The following UGGT2 variants were observed in gnomAD, a reference collection of about 807,000 sequenced individuals.
UGGT2 encodes UDP-glucose:glycoprotein glucosyltransferase 2.
In UGGT2, 180 loss-of-function variants were observed where a neutral mutation model predicts 192.1. That is an observed-to-expected ratio of 0.94 (90% CI 0.83 to 1.06). UGGT2 has a LOEUF of 1.06. Among genes scored for constraint, UGGT2 ranks in the 50% least tolerant of loss-of-function variants. The pLI is 0.00. For synonymous variants in UGGT2, 580 were observed against 591.0 expected (o/e 0.98, Z 0.27); for missense variants, 1,849 against 1,795.7 (o/e 1.03, Z -0.54).
chr13:95,876,364 C>A (rs1891678990), intron 29 of UGGT2, among the ~76,000 whole-genome samples: 1 of 152,174 alleles, frequency 6.6e-6, no homozygotes, highest in Non-Finnish European at 1.5e-5. Context: ...GGCATTGAGG[C>A]TGGGCAATAG....
rs2047691860 is a variant in UGGT2, at chr13:95,887,961, T to G, written c.2969A>C (p.Lys990Thr). ...KMAQLLVVLG[K>T]IINMKIKLFM... ...CAACTTTATCTTCATGTTGATAATC[T>G]TGCCAAGTACCTATTGGAAAGAAAT... is the stretch of plus-strand genomic sequence containing the variant. The change falls in exon 26 of 39, where the codon AAG (lysine) becomes ACG (threonine). Residue 990 changes from lysine (K) to threonine (T), a missense_variant. Transcript: ENST00000376747. The G allele has an allele frequency of 1.9e-6, 3 of 1,601,132 alleles. No individual in the cohort carries two copies. Among genetic ancestry groups the G allele is most frequent in the Non-Finnish European group, 2.6e-6 (3 of 1,173,008 alleles).
At chr13:95,985,534 A>C (rs373237246) in intron 9 of UGGT2, among the ~76,000 whole-genome samples, 16 of 152,270 alleles carry the variant, frequency 1.1e-4, no homozygotes, top group East Asian at 9.6e-4. Context: ...TTCTATGCTT[A>C]GGAAGGTATG....
chr13:96,014,787 TATTAAA>T (rs1392610067), intron 4 of UGGT2, among the ~76,000 whole-genome samples: 1 of 152,196 alleles, frequency 6.6e-6, no homozygotes, highest in Non-Finnish European at 1.5e-5. Flanking sequence ...TGCATGAAAC[TATTAAA>T]ATTATTCTCA....
chr13:95,934,978 GTCT>G (rs1403163085), intron 17 of UGGT2, among the ~76,000 whole-genome samples: 2 of 152,298 alleles, frequency 1.3e-5, no homozygotes, highest in East Asian at 3.9e-4. Flanking sequence ...GGACACTTAA[GTCT>G]TCTTGTTGAA....
rs140859099 is a variant in UGGT2 at position 95,970,215 on chromosome 13, C to T, written c.1232G>A (p.Arg411His). Residue 411 changes from arginine to histidine, a missense_variant, in exon 12 of 39, where the codon CGC (arginine) becomes CAC (histidine). Physicochemically the swap from Arg to His is conservative, Grantham distance 29. Transcript: ENST00000376747. ...ATCTTCCCCATTGATCCCAAGATTG[C>T]GAAGGCCATTCATCATTTTTCCTTC... ...KLEGKMMNGL[R>H]NLGINGEDMS... 30 of 1,612,852 alleles carry T rather than the reference C, an allele frequency of 1.9e-5. No individual in the cohort carries two copies. The highest frequency in any genetic ancestry group is 5.3e-5 in the African/African-American group (4 of 74,844).
intron 4 of UGGT2, among the ~76,000 whole-genome samples, chr13:96,018,551 G>T (rs1308803032): frequency 6.6e-6 from 1 of 151,890 alleles, no homozygotes; most frequent in Non-Finnish European, 1.5e-5. Context: ...TAAAATATGA[G>T]TTATATATCT....
intron 12 of UGGT2, among the ~76,000 whole-genome samples, chr13:95,964,719 G>A (rs1348676105): frequency 2.0e-5 from 3 of 152,018 alleles, no homozygotes; most frequent in Admixed American, 6.6e-5. Flanking sequence ...AAAAGCAATG[G>A]CAACAAAAGC....
At chr13:96,000,041 A>C (rs2140927885) in intron 5 of UGGT2, among the ~76,000 whole-genome samples, 1 of 152,360 alleles carries the variant, frequency 6.6e-6, no homozygotes, top group Non-Finnish European at 1.5e-5. Flanking sequence ...AGAAACCTGG[A>C]TGAACACACA....
chr13:95,939,954 T>C lies in UGGT2; in HGVS notation c.1812+3A>G, dbSNP rs750280151. 2 of 1,594,314 alleles carry C rather than the reference T, an allele frequency of 1.3e-6. No homozygotes were observed. The highest frequency in any genetic ancestry group is 1.7e-6 in the Non-Finnish European group (2 of 1,171,042). Reference sequence around the variant, plus strand: ...CTCCACTTAACATAATGTCCCAACTTACCTTTCTTTCTTCATCATATTTAG... The same window carrying C: ...CTCCACTTAACATAATGTCCCAACTCACCTTTCTTTCTTCATCATATTTAG... On this transcript the variant is annotated splice_donor_region_variant and intron_variant, in intron 16 of 38. Coordinates refer to ENST00000376747, the MANE Select transcript of UGGT2 (RefSeq NM_020121.4).
intron 7 of UGGT2, chr13:95,995,482 T>C (rs2051589378): frequency 6.6e-6 from 1 of 152,394 alleles, no homozygotes; most frequent in Non-Finnish European, 1.5e-5. Flanking sequence ...TGAGTGTCCA[T>C]GTTAGTACAA....
chr13:96,033,386 T>G lies in UGGT2; in HGVS notation c.159-1415A>C, dbSNP rs552460549. ...GGTGGAAGCCCCACCCACTTCTGAG[T>G]TGGTAGGGTGGAGGGCCCGCACTCC... On this transcript the variant is annotated intron_variant, in intron 1 of 38. Coordinates refer to ENST00000376747, the MANE Select transcript of UGGT2 (RefSeq NM_020121.4). Among the ~76,000 whole-genome samples the G allele has an allele frequency of 7.6e-4, 115 of 151,808 alleles. 3 individuals are homozygous for G. Among genetic ancestry groups the G allele is most frequent in the Admixed American group, 6.7e-3 (102 of 15,278 alleles).
intron 19 of UGGT2, among the ~76,000 whole-genome samples, chr13:95,926,361 C>T (rs913303620): frequency 1.3e-5 from 2 of 152,058 alleles, no homozygotes; most frequent in African/African-American, 2.4e-5. Context: ...TAGTTCATTC[C>T]ATCTGTTTAA....
At chr13:95,961,043 T>C (rs964333217) in intron 12 of UGGT2, among the ~76,000 whole-genome samples, 2 of 152,176 alleles carry the variant, frequency 1.3e-5, no homozygotes, top group African/African-American at 2.4e-5. Context: ...AAGGGAGTCC[T>C]ATACCCAGAA....
chr13:96,029,508 A>G (rs1338674528), intron 2 of UGGT2, among the ~76,000 whole-genome samples: 2 of 151,594 alleles, frequency 1.3e-5, no homozygotes, highest in East Asian at 3.9e-4. Flanking sequence ...CTGGTCTCGA[A>G]CTCCTGGCCT....
intron 4 of UGGT2, among the ~76,000 whole-genome samples, chr13:96,017,810 T>C (rs1161438895): frequency 6.6e-6 from 1 of 152,238 alleles, no homozygotes; most frequent in Non-Finnish European, 1.5e-5. Context: ...ATAATGACCA[T>C]ATGGGATTTT....
chr13:95,916,774 C>T (rs1015214290), intron 20 of UGGT2, among the ~76,000 whole-genome samples: 4 of 151,514 alleles, frequency 2.6e-5, no homozygotes, highest in Non-Finnish European at 4.4e-5. Context: ...TATCAATAAC[C>T]GAACAGACCA....
At chr13:95,833,640 T>C (rs1355702100) in intron 37 of UGGT2, among the ~76,000 whole-genome samples, 1 of 152,102 alleles carries the variant, frequency 6.6e-6, no homozygotes, top group Non-Finnish European at 1.5e-5. Context: ...AAGCAAAAAT[T>C]ATAGAAGGTT....
chr13:95,985,532 T>C (rs1249015213), intron 9 of UGGT2, among the ~76,000 whole-genome samples: 1 of 152,138 alleles, frequency 6.6e-6, no homozygotes, highest in Non-Finnish European at 1.5e-5. Context: ...CATTCTATGC[T>C]TAGGAAGGTA....
chr13:96,015,386 C>T (rs1230303900), intron 4 of UGGT2, among the ~76,000 whole-genome samples: 3 of 151,886 alleles, frequency 2.0e-5, no homozygotes, highest in African/African-American at 7.3e-5. Flanking sequence ...ATGGAATAGA[C>T]TTTACACACA....
Sources: gnomAD v4.1 joint callset for allele counts (sites outside exome capture counted in the v4.1 genomes callset) on GRCh38, gnomAD v4.1.1 for gene constraint, MANE v1.5 for transcripts, NCBI Gene and HGNC (gene_info 2026-07-23, HGNC 2026-07-21) for gene names.